ST3GAL3: variants seen among roughly 807,000 people sequenced by gnomAD.
ST3GAL3 encodes the protein ST3 beta-galactoside alpha-2,3-sialyltransferase 3.
ST3GAL3 carries 21 observed loss-of-function variants against 50.1 expected under a neutral mutation model. The observed-to-expected ratio is 0.42, with a 90% CI of 0.30 to 0.60. The LOEUF is 0.60. Among genes scored for constraint, ST3GAL3 ranks in the 20% least tolerant of loss-of-function variants. The pLI is 0.19. For missense variants in ST3GAL3, 353 were observed against 489.4 expected, an observed-to-expected ratio of 0.72 and a Z score of 2.63; for synonymous variants, 183 against 190.0, an observed-to-expected ratio of 0.96 and a Z score of 0.30.
chr1:43,917,064 G>A (rs1163238194), intron 9 of ST3GAL3: 3 of 151,850 alleles, frequency 2.0e-5, no homozygotes, highest in Non-Finnish European at 2.9e-5. Flanking sequence ...AAATTTTGAG[G>A]TCATAAGATA....
rs539264488 is a variant in ST3GAL3, at chr1:43,882,605, C to T, written c.303-11778C>T. ...AAGATGGCTCCAGCTGTTCTAAGCT[C>T]GAAGTTGGCACATTGTTTTTCTTAA... On this transcript the variant is annotated intron_variant, in intron 5 of 11. Coordinates refer to ENST00000347631, the MANE Select transcript of ST3GAL3 (RefSeq NM_006279.5). Among the ~76,000 whole-genome samples the T allele has an allele frequency of 3.9e-5, 6 of 152,228 alleles. No homozygotes were observed. In the East Asian group the frequency reaches 1.2e-3, roughly 29 times the overall value.
intron 5 of ST3GAL3, among the ~76,000 whole-genome samples, chr1:43,875,946 TC>T (rs2074015243): frequency 1.8e-5 from 1 of 56,038 alleles, no homozygotes; most frequent in Non-Finnish European, 4.2e-5. Context: ...TTCTTCTTCT[TC>T]TTCTTATTAT....
chr1:43,823,597 A>G (rs1480857357), intron 4 of ST3GAL3, among the ~76,000 whole-genome samples: 1 of 151,734 alleles, frequency 6.6e-6, no homozygotes, highest in East Asian at 1.9e-4. Flanking sequence ...TTACTGTGTC[A>G]TTTTCTCCAG....
chr1:43,723,432 T>C (rs560218979), intron 1 of ST3GAL3, among the ~76,000 whole-genome samples: 1 of 151,904 alleles, frequency 6.6e-6, no homozygotes, highest in African/African-American at 2.4e-5. Context: ...TGGCATGTGA[T>C]ATCTGCTCCC....
chr1:43,740,335 C>G (rs1680316949), intron 2 of ST3GAL3, among the ~76,000 whole-genome samples: 1 of 141,452 alleles, frequency 7.1e-6, no homozygotes. Context: ...AAGACTCAGT[C>G]TCAAAAAAAA....
chr1:43,817,876 C>CATCCTCCTT (rs2061609259), intron 4 of ST3GAL3, among the ~76,000 whole-genome samples: 1 of 140,656 alleles, frequency 7.1e-6, no homozygotes, highest in African/African-American at 2.7e-5. Context: ...TCCTCCTCCT[C>CATCCTCCTT]CTCCTCCTTC....
chr1:43,917,614 A>ATTACG lies in ST3GAL3; in HGVS notation c.745-2789_745-2788insTACGT, dbSNP rs1255524307. ...ATATAATATATATATTATATATTAT[A>ATTACG]TATTATATTATATATAATATATAAT... On this transcript the variant is annotated intron_variant, in intron 9 of 11. Coordinates refer to ENST00000347631, the MANE Select transcript of ST3GAL3 (RefSeq NM_006279.5). Among the ~76,000 whole-genome samples, 3 of 74,938 alleles carry ATTACG rather than the reference A, an allele frequency of 4.0e-5. No individual in the cohort carries two copies. In the East Asian group the frequency reaches 9.8e-4, roughly 24 times the overall value. 49.2% of individuals were successfully genotyped at this position (74,938 alleles called of 152,430 possible).
chr1:43,841,139 C>T (rs2065305499), intron 5 of ST3GAL3: 1 of 152,338 alleles, frequency 6.6e-6, no homozygotes, highest in African/African-American at 2.4e-5. Flanking sequence ...CCTGTGGCTG[C>T]TCTCATGGGC....
chr1:43,799,912 C>T (rs1348512489), intron 3 of ST3GAL3, among the ~76,000 whole-genome samples: 1 of 152,158 alleles, frequency 6.6e-6, no homozygotes, highest in Non-Finnish European at 1.5e-5. Context: ...GGATTAAATT[C>T]ACTGCAGTAC....
At chr1:43,747,252 AC>A (rs1303992770) in intron 2 of ST3GAL3, among the ~76,000 whole-genome samples, 1 of 152,060 alleles carries the variant, frequency 6.6e-6, no homozygotes, top group Non-Finnish European at 1.5e-5. Context: ...TACTAAAAAT[AC>A]AAAAATTAGC....
At chr1:43,794,325 A>G (rs1198309656) in intron 3 of ST3GAL3, among the ~76,000 whole-genome samples, 2 of 152,244 alleles carry the variant, frequency 1.3e-5, no homozygotes, top group African/African-American at 4.8e-5. Flanking sequence ...TGATTGTATT[A>G]GTACTCAGCA....
intron 11 of ST3GAL3, among the ~76,000 whole-genome samples, chr1:43,927,567 A>G (rs1458304554): frequency 1.3e-5 from 2 of 152,146 alleles, no homozygotes; most frequent in Non-Finnish European, 2.9e-5. Context: ...TAAAGAGGCA[A>G]ACGAGTTTCC....
Position 43,899,404 on chromosome 1 carries a change from C to T in ST3GAL3, c.558-137C>T, listed in dbSNP as rs2077896840. ...AACTCTGGGTTGGAGGGCTTTGGAACAGACAACTAGCGGGGGCACCTGGGG... is the reference window on the plus strand; with the variant it reads ...AACTCTGGGTTGGAGGGCTTTGGAATAGACAACTAGCGGGGGCACCTGGGG... On this transcript the variant is annotated intron_variant, in intron 8 of 11. Coordinates refer to ENST00000347631, the MANE Select transcript of ST3GAL3 (RefSeq NM_006279.5). The surrounding 1 kb of genome is among the most constrained non-coding windows in gnomAD (Gnocchi z 5.4). The T allele has an allele frequency of 4.4e-6, 7 of 1,580,482 alleles. No homozygotes were observed. The highest frequency in any genetic ancestry group is 6.0e-6 in the Non-Finnish European group (7 of 1,162,360).
chr1:43,806,986 C>T (rs1380799087), intron 3 of ST3GAL3, among the ~76,000 whole-genome samples: 2 of 152,068 alleles, frequency 1.3e-5, no homozygotes, highest in Admixed American at 6.5e-5. Context: ...CCACTGTGCC[C>T]GGTAGGGAAA....
chr1:43,912,699 C>T (rs1240220577), intron 9 of ST3GAL3: 1 of 152,238 alleles, frequency 6.6e-6, no homozygotes, highest in Admixed American at 6.5e-5. Context: ...TGTGAGCACA[C>T]CAGGAAACAT....
chr1:43,925,008 G>C (rs867205037), intron 11 of ST3GAL3, among the ~76,000 whole-genome samples: 15 of 152,102 alleles, frequency 9.9e-5, no homozygotes, highest in African/African-American at 2.7e-4. Context: ...GTGGCTTCTT[G>C]GCCGGGCACA....
chr1:43,775,685 A>G (rs1045519669), intron 2 of ST3GAL3, among the ~76,000 whole-genome samples: 2 of 152,184 alleles, frequency 1.3e-5, no homozygotes, highest in Non-Finnish European at 2.9e-5. Context: ...TTATGCAGGA[A>G]TTCTAATTCA....
intron 2 of ST3GAL3, among the ~76,000 whole-genome samples, chr1:43,740,298 G>A (rs1680300298): frequency 6.6e-6 from 1 of 151,150 alleles, no homozygotes; most frequent in Non-Finnish European, 1.5e-5. Context: ...GGGAGGCAGA[G>A]GTTGCAGTGA....
chr1:43,719,893 A>G (rs813391), intron 1 of ST3GAL3, among the ~76,000 whole-genome samples: 1 of 135,898 alleles, frequency 7.4e-6, no homozygotes, highest in South Asian at 2.5e-4. Context: ...AGATCATGCC[A>G]CTGCATTCCA....
Sources: gnomAD v4.1 joint callset for allele counts (sites outside exome capture counted in the v4.1 genomes callset) on GRCh38, gnomAD v4.1.1 for gene constraint, Gnocchi (gnomAD v3.1) non-coding constraint, MANE v1.5 for transcripts, NCBI Gene and HGNC (gene_info 2026-07-23, HGNC 2026-07-21) for gene names.